The following COL27A1 variants were observed in gnomAD, a reference collection of about 807,000 sequenced individuals.
COL27A1 encodes the protein collagen alpha-1(XXVII) chain.
In COL27A1, 106 loss-of-function variants were observed where a neutral mutation model predicts 251.3. The ratio of observed to expected loss-of-function variants is 0.42; its 90% CI spans 0.36 to 0.50. The LOEUF (loss-of-function observed/expected upper bound fraction) is 0.50, where lower values mean the gene tolerates loss of function less well. Among genes scored for constraint, COL27A1 ranks in the 20% least tolerant of loss-of-function variants. COL27A1 has a pLI of 0.00. For missense variants in COL27A1, 2,325 were observed against 2,522.8 expected, an observed-to-expected ratio of 0.92 and a Z score of 1.68; for synonymous variants, 1,000 against 986.3, an observed-to-expected ratio of 1.01 and a Z score of -0.26.
At chr9:114,202,274 A>AGAT (rs1344735768) in intron 7 of COL27A1, among the ~76,000 whole-genome samples, 2 of 152,220 alleles carry the variant, frequency 1.3e-5, no homozygotes, top group African/African-American at 4.8e-5. Flanking sequence ...TTGTGGCTGC[A>AGAT]GATGAAGCCA....
chr9:114,292,710 C>T (rs971256362), intron 49 of COL27A1, among the ~76,000 whole-genome samples: 3 of 152,166 alleles, frequency 2.0e-5, no homozygotes, highest in Admixed American at 6.5e-5. Context: ...AAGAAATCCA[C>T]TTCAAATATA....
At chr9:114,253,956 G>A (rs538835853) in intron 27 of COL27A1, among the ~76,000 whole-genome samples, 8 of 152,014 alleles carry the variant, frequency 5.3e-5, no homozygotes, top group Non-Finnish European at 8.8e-5. Flanking sequence ...AGAGATTCTC[G>A]TGCCTCAGCC....
intron 31 of COL27A1, 98 bp downstream of exon 31, chr9:114,265,208 G>A: frequency 3.2e-6 from 4 of 1,258,188 alleles, no homozygotes; most frequent in Non-Finnish European, 3.4e-6. Context: ...CCAAGTTCCT[G>A]TCCTTCTGTG....
chr9:114,197,694 G>A (rs1268433111), intron 7 of COL27A1, among the ~76,000 whole-genome samples: 1 of 152,226 alleles, frequency 6.6e-6, no homozygotes, highest in East Asian at 1.9e-4. Flanking sequence ...CCAACCAAGA[G>A]GAGCCAACTC....
chr9:114,164,773 C>A (rs1404651907), intron 2 of COL27A1, among the ~76,000 whole-genome samples: 2 of 152,144 alleles, frequency 1.3e-5, no homozygotes, highest in South Asian at 2.1e-4. Context: ...AAAACATATA[C>A]CACTAAGAGA....
chr9:114,219,818 G>A lies in COL27A1; in HGVS notation c.2395G>A (p.Gly799Ser). The change falls in exon 13 of 61, where the codon GGC becomes AGC. Residue 799 changes from glycine (G) to serine (S), a missense_variant. Physicochemically the swap from Gly to Ser is moderately conservative, Grantham distance 56. Transcript: ENST00000356083. ...GTTTCCTGGAGTCTTTGGGGAAAGA[G>A]GCCCTCCTGGACTGGATGGAAATCC... ...PGFPGVFGER[G>S]PPGLDGNPGE... 1 of 1,611,790 alleles carries A rather than the reference G, an allele frequency of 6.2e-7. No homozygotes were observed. The highest frequency in any genetic ancestry group is 1.3e-5 in the African/African-American group (1 of 74,964).
In COL27A1 at chr9:114,281,940, C is replaced by T. The variant is rs147318646; in HGVS notation, c.3718-337C>T. 2.0e-3 allele frequency among the ~76,000 whole-genome samples: 297 copies of T among 152,286 alleles called. 1 individual carries two copies. The highest frequency in any genetic ancestry group is 6.8e-3 in the Middle Eastern group (2 of 294). On this transcript the variant is annotated intron_variant, in intron 37 of 60. Transcript: ENST00000356083. ...GCAGAGAGTTGCTCCCTGTAGGACA[C>T]CCCTGGATGCCTAACAGTAACCATG...
At chr9:114,216,111 C>T (rs953148195) in intron 12 of COL27A1, among the ~76,000 whole-genome samples, 3 of 152,242 alleles carry the variant, frequency 2.0e-5, no homozygotes, top group Admixed American at 6.5e-5. Context: ...AGCTCTATTC[C>T]TCTGAGTTGT....
intron 14 of COL27A1, among the ~76,000 whole-genome samples, chr9:114,223,044 A>G (rs541352194): frequency 6.0e-4 from 92 of 152,230 alleles, no homozygotes; most frequent in African/African-American, 1.9e-3. Flanking sequence ...ACCTGACTCC[A>G]TCCAGGTGGT....
chr9:114,287,516 C>T (rs1448881107), intron 41 of COL27A1, among the ~76,000 whole-genome samples: 1 of 152,182 alleles, frequency 6.6e-6, no homozygotes, highest in African/African-American at 2.4e-5. Flanking sequence ...CCCCCCACCC[C>T]AGTCTCTGGC....
In COL27A1 at chr9:114,288,737, G is replaced by A. The variant is rs1264864897; in HGVS notation, c.4080G>A (p.Pro1360=). The stretch of plus-strand genomic sequence containing the variant: ...GTGATCGAGGAGACCGCGGGGAACC[G>A]GGAGACCCTGGGTACCCTGTAAGTA... ...PVGDRGDRGE[P]GDPGYPGQEG... The change falls in exon 43 of 61, where the codon CCG becomes CCA. Residue 1360 remains proline (P), a synonymous_variant. Transcript: ENST00000356083. 13 of 1,610,788 alleles carry A rather than the reference G, an allele frequency of 8.1e-6. No individual in the cohort carries two copies. Among genetic ancestry groups the A allele is most frequent in the Non-Finnish European group, 1.1e-5 (13 of 1,177,428 alleles).
chr9:114,182,786 C>A (rs1358210579), intron 4 of COL27A1, among the ~76,000 whole-genome samples: 2 of 152,214 alleles, frequency 1.3e-5, no homozygotes, highest in Non-Finnish European at 2.9e-5. Flanking sequence ...ACACCACCTA[C>A]CTTCCAGGTT....
At chr9:114,252,203 A>G (rs1003219398) in intron 25 of COL27A1, among the ~76,000 whole-genome samples, 13 of 152,210 alleles carry the variant, frequency 8.5e-5, no homozygotes, top group African/African-American at 2.9e-4. Flanking sequence ...AGTGAAAGAC[A>G]TGCCTTCTCT....
At chr9:114,282,754 C>T (rs760820178) in intron 39 of COL27A1, among the ~76,000 whole-genome samples, 190 bp downstream of exon 39, 1 of 152,218 alleles carries the variant, frequency 6.6e-6, no homozygotes, top group Non-Finnish European at 1.5e-5. Context: ...AAGCTGCAGC[C>T]CCGCCTCCGG....
chr9:114,234,946 G>A (rs958416848), intron 16 of COL27A1, among the ~76,000 whole-genome samples: 1 of 151,692 alleles, frequency 6.6e-6, no homozygotes, highest in African/African-American at 2.4e-5. Flanking sequence ...GGGCGTGGTG[G>A]CACGCGCCTG....
intron 36 of COL27A1, 85 bp downstream of exon 36, chr9:114,270,866 CTG>C: frequency 9.7e-7 from 1 of 1,032,636 alleles, no homozygotes; most frequent in Admixed American, 2.0e-5. Context: ...CCCAGAAACA[CTG>C]TGTTCCCATA....
intron 26 of COL27A1, 103 bp from the exon 27 acceptor site, chr9:114,252,776 C>T: frequency 7.1e-7 from 1 of 1,408,726 alleles, no homozygotes; most frequent in Admixed American, 1.7e-5. Flanking sequence ...GGGGGCCTAG[C>T]TGCTGTCCTC....
intron 4 of COL27A1, 26 bp downstream of exon 4, chr9:114,178,370 G>A (rs1337423425): frequency 6.2e-7 from 1 of 1,611,556 alleles, no homozygotes; most frequent in East Asian, 2.2e-5. Flanking sequence ...CTGTCCTTTG[G>A]AACTCTTGGT....
chr9:114,199,943 A>C (rs1049479664), intron 7 of COL27A1, among the ~76,000 whole-genome samples: 1 of 152,126 alleles, frequency 6.6e-6, no homozygotes, highest in Non-Finnish European at 1.5e-5. Context: ...CTGCTACTCA[A>C]ATCAAAACCT....
Sources: allele counts gnomAD v4.1 joint callset (sites outside exome capture counted in the v4.1 genomes callset), GRCh38; gene constraint gnomAD v4.1.1; transcripts MANE v1.5; gene names NCBI Gene and HGNC (gene_info 2026-07-23, HGNC 2026-07-21).